The following CD109 variants were observed in gnomAD, a reference collection of about 807,000 sequenced individuals.
CD109 encodes CD109 molecule, also known as CD109 antigen.
In CD109, 149 loss-of-function variants were observed where a neutral mutation model predicts 165.8. The ratio of observed to expected loss-of-function variants is 0.90; its 90% CI spans 0.79 to 1.03. The LOEUF (loss-of-function observed/expected upper bound fraction) is 1.03, where lower values mean the gene tolerates loss of function less well. Ranked by LOEUF, CD109 falls within the 50% of genes least tolerant of loss-of-function variation. The probability of loss-of-function intolerance (pLI) is 0.00; values close to 1 mark genes in which losing one functional copy is unlikely to be tolerated. For missense variants in CD109, 1,712 were observed against 1,677.8 expected, an observed-to-expected ratio of 1.02 and a Z score of -0.36; for synonymous variants, 585 against 592.1, an observed-to-expected ratio of 0.99 and a Z score of 0.18.
intron 20 of CD109, among the ~76,000 whole-genome samples, chr6:73,786,280 C>A (rs990088730): frequency 2.6e-5 from 4 of 152,140 alleles, no homozygotes; most frequent in Non-Finnish European, 4.4e-5. Flanking sequence ...GTATGTTAAC[C>A]AAGTGACTGA....
chr6:73,781,394 T>G, intron 17 of CD109, 75 bp downstream of exon 17: 1 of 1,220,734 alleles, frequency 8.2e-7, no homozygotes, highest in Non-Finnish European at 1.2e-6. Flanking sequence ...GGTATGGATA[T>G]TTTTTAGATG....
chr6:73,798,110 G>GTTT (rs57382539), intron 23 of CD109, among the ~76,000 whole-genome samples: 3,853 of 142,460 alleles, frequency 0.027, 194 homozygotes, highest in African/African-American at 0.094. Context: ...TCAGTGTCCT[G>GTTT]TTTTTTTTTT....
intron 14 of CD109, among the ~76,000 whole-genome samples, chr6:73,769,177 A>G: frequency 6.6e-6 from 1 of 152,196 alleles, no homozygotes. Context: ...GACATGAGCC[A>G]CTGCGCCAGG....
intron 28 of CD109, 35 bp downstream of exon 28, chr6:73,811,182 T>G: frequency 6.3e-7 from 1 of 1,590,866 alleles, no homozygotes; most frequent in Non-Finnish European, 8.5e-7. Flanking sequence ...AAAATCAGTG[T>G]AGACAATTCT....
intron 2 of CD109, among the ~76,000 whole-genome samples, chr6:73,698,353 C>A (rs915243818): frequency 6.6e-6 from 1 of 151,040 alleles, no homozygotes; most frequent in Non-Finnish European, 1.5e-5. Context: ...TTTTTAGATT[C>A]TTATAATTAT....
chr6:73,725,504 CTTTTTT>C (rs386407559), intron 3 of CD109, among the ~76,000 whole-genome samples: 3 of 89,430 alleles, frequency 3.4e-5, no homozygotes, highest in South Asian at 3.3e-4. Flanking sequence ...TACTACACTT[CTTTTTT>C]TTTTTTTTTT....
At chr6:73,724,895 C>G (rs1392898657) in intron 3 of CD109, among the ~76,000 whole-genome samples, 1 of 152,168 alleles carries the variant, frequency 6.6e-6, no homozygotes, top group Admixed American at 6.5e-5. Flanking sequence ...AACCACCATG[C>G]CTGGCCCACT....
At chr6:73,810,952 T>C in intron 27 of CD109, 40 bp from the exon 28 acceptor site, 1 of 1,579,142 alleles carries the variant, frequency 6.3e-7, no homozygotes, top group Non-Finnish European at 8.6e-7. Flanking sequence ...AAGACCTTGA[T>C]ATATACTTAT....
chr6:73,702,913 C>A (rs1170665645), intron 2 of CD109, among the ~76,000 whole-genome samples: 3 of 152,186 alleles, frequency 2.0e-5, no homozygotes, highest in Non-Finnish European at 4.4e-5. Context: ...CCTATTGTGA[C>A]AATCTTGAAC....
In CD109 at chr6:73,779,550, A is replaced by G. The variant is rs7760497; in HGVS notation, c.1828-874A>G. ...GGTGTGAGCCACCGCACCTAGCCTC[A>G]GAGCTTCATTTCTTTTTACGGCTGA... On this transcript the variant is annotated intron_variant, in intron 15 of 32. Transcript: ENST00000287097. 6.4e-3 allele frequency among the ~76,000 whole-genome samples: 972 copies of G among 152,214 alleles called. 7 individuals carry two copies. Among genetic ancestry groups the G allele is most frequent in the African/African-American group, 0.022 (913 of 41,546 alleles).
Position 73,827,642 on chromosome 6 carries a change from C to G in CD109, c.*4009C>G, listed in dbSNP as rs576628337. The G allele has an allele frequency of 2.6e-5, 4 of 152,098 alleles. No homozygotes were observed. Among genetic ancestry groups the G allele is most frequent in the Non-Finnish European group, 5.9e-5 (4 of 68,002 alleles). 9.4% of individuals were successfully genotyped at this position (152,098 alleles called of 1,614,324 possible). A position where few individuals can be genotyped will look rare whatever the true frequency, so the allele number is the denominator to read the frequency against. ...TATCAGTGAGAGTAGGCTTGTTTTA[C>G]AACTATTTCTAGCCAGTGAGTTGTG... On this transcript the variant is annotated 3_prime_UTR_variant, in exon 33 of 33. Transcript: ENST00000287097.
intron 6 of CD109, among the ~76,000 whole-genome samples, chr6:73,757,616 A>G (rs1773445301): frequency 1.3e-5 from 2 of 152,204 alleles, no homozygotes. Context: ...GTGGCTGTTG[A>G]GCACTTCAAA....
At chr6:73,688,994 T>C in the CD109 span, among the ~76,000 whole-genome samples, 3 of 152,066 alleles carry the variant, frequency 2.0e-5, no homozygotes, top group African/African-American at 7.2e-5. Flanking sequence ...GGTCTCGAAC[T>C]CCTGAGCTCA....
chr6:73,776,553 CTTTTTT>C (rs34703329), intron 15 of CD109, among the ~76,000 whole-genome samples: 7 of 73,076 alleles, frequency 9.6e-5, no homozygotes, highest in East Asian at 4.1e-4. Context: ...CGCAAGTGGC[CTTTTTT>C]TTTTTTTTTT....
rs1171621750 is a variant in CD109, at chr6:73,696,225, C to T, written c.10C>T (p.Pro4Ser). The change falls in exon 1 of 33, where the codon CCA (proline) becomes TCA (serine). Residue 4 changes from proline (P) to serine (S), a missense_variant. Transcript: ENST00000287097. ...GGCAGACGCCGTCGAGATGCAGGGC[C>T]CACCGCTCCTGACCGCCGCCCACCT... MQG[P>S]PLLTAAHLLC... The T allele has an allele frequency of 6.5e-7, 1 of 1,545,608 alleles. No individual in the cohort carries two copies.
At chr6:73,760,475 T>C (rs1360087938) in intron 7 of CD109, among the ~76,000 whole-genome samples, 3 of 134,748 alleles carry the variant, frequency 2.2e-5, no homozygotes, top group South Asian at 2.3e-4. Context: ...CTTCTTCACA[T>C]GAAGAGACTT....
chr6:73,816,590 A>T (rs1775946359), intron 30 of CD109, among the ~76,000 whole-genome samples: 1 of 152,110 alleles, frequency 6.6e-6, no homozygotes, highest in Non-Finnish European at 1.5e-5. Context: ...TACCTCAGCA[A>T]GTATTGCTTG....
chr6:73,697,285 C>T lies in CD109; in HGVS notation c.75-115C>T, dbSNP rs1002406888. ...GAGCAGTGGGCAATGTTAACGGAAA[C>T]AACTGCAATTGGCGCAGTATGGAGT... On this transcript the variant is annotated intron_variant, in intron 1 of 32. Coordinates refer to ENST00000287097, the MANE Select transcript of CD109 (RefSeq NM_133493.5). 6 of 832,022 alleles carry T rather than the reference C, an allele frequency of 7.2e-6. No individual in the cohort carries two copies. In the African/African-American group the frequency reaches 1.0e-4, roughly 14 times the overall value. 51.5% of individuals were successfully genotyped at this position (832,022 alleles called of 1,614,324 possible). A position where few individuals can be genotyped will look rare whatever the true frequency, so the allele number is the denominator to read the frequency against.
chr6:73,699,343 A>G (rs1214930284), intron 2 of CD109, among the ~76,000 whole-genome samples: 3 of 152,154 alleles, frequency 2.0e-5, no homozygotes, highest in Non-Finnish European at 1.5e-5. Context: ...CTGCACGTGT[A>G]TCCCTGAAAC....
Sources: allele counts gnomAD v4.1 joint callset (sites outside exome capture counted in the v4.1 genomes callset), GRCh38; gene constraint gnomAD v4.1.1; transcripts MANE v1.5; gene names NCBI Gene and HGNC (gene_info 2026-07-23, HGNC 2026-07-21).